CRYL1: variants seen among roughly 807,000 people sequenced by gnomAD.
The protein encoded by CRYL1 is lambda-crystallin homolog.
A neutral mutation model predicts 36.6 loss-of-function variants in CRYL1; 29 were observed. The ratio of observed to expected loss-of-function variants is 0.79; its 90% CI spans 0.59 to 1.08. CRYL1 has a LOEUF of 1.08. Ranked by LOEUF, CRYL1 falls within the 50% of genes least tolerant of loss-of-function variation. The probability of loss-of-function intolerance (pLI) is 0.00; values close to 1 mark genes in which losing one functional copy is unlikely to be tolerated. For synonymous variants in CRYL1, 152 were observed against 151.5 expected (o/e 1.00, Z -0.02); for missense variants, 411 against 407.9 (o/e 1.01, Z -0.06).
At position 20,457,550 on chromosome 13, in the gene CRYL1, G is replaced by A. The variant is rs151021894; in HGVS notation, c.277-17796C>T. 5.4e-3 allele frequency among the ~76,000 whole-genome samples: 826 copies of A among 152,282 alleles called. 7 individuals are homozygous for A. The highest frequency in any genetic ancestry group is 0.014 in the Middle Eastern group (4 of 294). ...CTCATTCGATTCCAGAAAAAATTAC[G>A]TAAAACATATCACCAAGCCTGTGGT... On this transcript the variant is annotated intron_variant, in intron 3 of 7. Transcript: ENST00000298248.
rs7997050 is a variant in CRYL1, at chr13:20,435,660, C to G, written c.439-3364G>C. On this transcript the variant is annotated intron_variant, in intron 4 of 7. Coordinates refer to ENST00000298248, the MANE Select transcript of CRYL1 (RefSeq NM_015974.3). The surrounding 1 kb of genome is among the most constrained non-coding windows in gnomAD (Gnocchi z 4.0). ...GCGAGGTGGACTCGGAAACACGCCCCCGAAAGGGTTCGACAGATACAACGG... is the reference window on the plus strand; with the variant it reads ...GCGAGGTGGACTCGGAAACACGCCCGCGAAAGGGTTCGACAGATACAACGG... Among the ~76,000 whole-genome samples the G allele has an allele frequency of 0.21, 32,110 of 152,156 alleles. 3,640 individuals carry two copies. The highest frequency in any genetic ancestry group is 0.34 in the East Asian group (1,752 of 5,134).
At chr13:20,459,195 C>T (rs985211282) in intron 3 of CRYL1, among the ~76,000 whole-genome samples, 20 of 145,422 alleles carry the variant, frequency 1.4e-4, no homozygotes, top group African/African-American at 3.8e-4. Context: ...GAGTTCACGC[C>T]GCTGTACTCC....
At chr13:20,430,533 G>A in intron 5 of CRYL1, 1 of 985,376 alleles carries the variant, frequency 1.0e-6, no homozygotes, top group Non-Finnish European at 1.2e-6. Context: ...AGAACTACCA[G>A]AGCAGCCCAA....
intron 3 of CRYL1, among the ~76,000 whole-genome samples, chr13:20,455,154 A>T (rs4303320): frequency 0.75 from 113,763 of 152,102 alleles, 42,910 homozygotes; most frequent in Admixed American, 0.81. Context: ...ATAATGGAAA[A>T]TCAAAAAAAA....
intron 3 of CRYL1, among the ~76,000 whole-genome samples, chr13:20,482,810 C>T (rs1481447736): frequency 6.6e-6 from 1 of 152,196 alleles, no homozygotes; most frequent in Non-Finnish European, 1.5e-5. Flanking sequence ...CTGCCTCCTG[C>T]TTGTGAACAA....
chr13:20,447,030 T>G (rs549013222), intron 3 of CRYL1, among the ~76,000 whole-genome samples: 100 of 152,360 alleles, frequency 6.6e-4, no homozygotes, highest in African/African-American at 2.3e-3. Context: ...TTCTAGTCCA[T>G]GCTGCAACAG....
intron 3 of CRYL1, among the ~76,000 whole-genome samples, chr13:20,484,286 C>T (rs1455773137): frequency 1.3e-5 from 2 of 152,144 alleles, no homozygotes; most frequent in African/African-American, 4.8e-5. Flanking sequence ...GAGGCAGCAC[C>T]ACAGGGCGGG....
At chr13:20,488,392 A>C (rs184470512) in intron 3 of CRYL1, among the ~76,000 whole-genome samples, 1 of 152,358 alleles carries the variant, frequency 6.6e-6, no homozygotes, top group East Asian at 1.9e-4. Flanking sequence ...AGAAGTTGAA[A>C]AACAGTCCTC....
At chr13:20,439,485 A>G in intron 4 of CRYL1, 108 bp downstream of exon 4, 1 of 881,486 alleles carries the variant, frequency 1.1e-6, no homozygotes, top group East Asian at 2.6e-5. Flanking sequence ...CTAATGGATT[A>G]CTCACAAGTT....
At chr13:20,409,748 A>G (rs1387677827) in intron 6 of CRYL1, among the ~76,000 whole-genome samples, 4 of 151,472 alleles carry the variant, frequency 2.6e-5, no homozygotes, top group African/African-American at 9.7e-5. Context: ...TTCTCAAAAG[A>G]AGACATTTAT....
chr13:20,473,198 T>C (rs1422786463), intron 3 of CRYL1: 1 of 152,260 alleles, frequency 6.6e-6, no homozygotes, highest in Non-Finnish European at 1.5e-5. Flanking sequence ...CCTCTCCACT[T>C]ACAGCGTAAA....
At position 20,516,089 on chromosome 13, in the gene CRYL1, G is replaced by A. The variant is rs2033992661; in HGVS notation, c.42-3539C>T. 1.3e-5 allele frequency among the ~76,000 whole-genome samples: 2 copies of A among 150,352 alleles called. 1 individual carries two copies. Among genetic ancestry groups the A allele is most frequent in the African/African-American group, 4.9e-5 (2 of 40,912 alleles). ...ACCTGTAATCCCAGCTACTCAGGAG[G>A]CCGAGGCAGGACAATCGCTTGAACC... is the stretch of plus-strand genomic sequence containing the variant. On this transcript the variant is annotated intron_variant, in intron 1 of 7. Coordinates refer to ENST00000298248, the MANE Select transcript of CRYL1 (RefSeq NM_015974.3).
chr13:20,461,660 T>C (rs2032820678), intron 3 of CRYL1, among the ~76,000 whole-genome samples: 1 of 151,956 alleles, frequency 6.6e-6, no homozygotes, highest in Non-Finnish European at 1.5e-5. Context: ...CAACACAGCA[T>C]GACTCACCCC....
intron 2 of CRYL1, among the ~76,000 whole-genome samples, chr13:20,498,770 T>C (rs926223153): frequency 1.6e-4 from 24 of 152,240 alleles, no homozygotes; most frequent in African/African-American, 5.8e-4. Context: ...GCTGGCCTCA[T>C]GCTGTCTTTA....
At chr13:20,456,097 T>C (rs955787202) in intron 3 of CRYL1, among the ~76,000 whole-genome samples, 1 of 152,188 alleles carries the variant, frequency 6.6e-6, no homozygotes, top group East Asian at 1.9e-4. Flanking sequence ...AGGTGGATCA[T>C]AGCCATACAT....
intron 5 of CRYL1, chr13:20,430,205 T>C (rs886356958): frequency 5.1e-5 from 50 of 984,670 alleles, no homozygotes; most frequent in Non-Finnish European, 5.9e-5. Flanking sequence ...ACAAATTATC[T>C]TCTAGACTTT....
chr13:20,517,541 G>C (rs6490591), intron 1 of CRYL1, among the ~76,000 whole-genome samples: 149,178 of 150,736 alleles, frequency 0.99, 73,838 homozygotes, highest in Non-Finnish European at 1. Context: ...GTTGCAGTGA[G>C]CTGAGATCGC....
Position 20,435,871 on chromosome 13 carries a change from C to G in CRYL1, c.439-3575G>C, listed in dbSNP as rs997241358. Reference sequence around the variant, plus strand: ...GGGCCGACAGCGCCCTCGCGGGAGGCAGCCGGGCTGGGGCCTCTTGCCAGC... The same window carrying G: ...GGGCCGACAGCGCCCTCGCGGGAGGGAGCCGGGCTGGGGCCTCTTGCCAGC... On this transcript the variant is annotated intron_variant, in intron 4 of 7. Transcript: ENST00000298248. The surrounding 1 kb of genome is among the most constrained non-coding windows in gnomAD (Gnocchi z 4.0). Among the ~76,000 whole-genome samples the G allele has an allele frequency of 6.6e-6, 1 of 152,150 alleles. No individual in the cohort carries two copies. Among genetic ancestry groups the G allele is most frequent in the African/African-American group, 2.4e-5 (1 of 41,438 alleles).
intron 5 of CRYL1, chr13:20,431,142 C>A: frequency 1.0e-6 from 1 of 985,374 alleles, no homozygotes; most frequent in Non-Finnish European, 1.2e-6. Flanking sequence ...TGCACACCTG[C>A]CTGGTTTGGA....
Sources: allele counts gnomAD v4.1 joint callset (sites outside exome capture counted in the v4.1 genomes callset), GRCh38; gene constraint gnomAD v4.1.1; non-coding constraint Gnocchi (gnomAD v3.1); transcripts MANE v1.5; gene names NCBI Gene and HGNC (gene_info 2026-07-23, HGNC 2026-07-21).